Variants in RHOQ observed in about 807,000 individuals in gnomAD.
RHOQ encodes the protein rho-related GTP-binding protein RhoQ.
A neutral mutation model predicts 25.8 loss-of-function variants in RHOQ; 7 were observed. The ratio of observed to expected loss-of-function variants is 0.27; its 90% CI spans 0.15 to 0.51. The LOEUF (loss-of-function observed/expected upper bound fraction) is 0.51, where lower values mean the gene tolerates loss of function less well. Among genes scored for constraint, RHOQ ranks in the 20% least tolerant of loss-of-function variants. RHOQ has a pLI of 0.97. For missense variants in RHOQ, 165 were observed against 260.6 expected, an observed-to-expected ratio of 0.63 and a Z score of 2.53; for synonymous variants, 97 against 98.6, an observed-to-expected ratio of 0.98 and a Z score of 0.10.
chr2:46,544,250 A>T (rs1572731322), intron 2 of RHOQ, among the ~76,000 whole-genome samples: 1 of 152,286 alleles, frequency 6.6e-6, no homozygotes, highest in South Asian at 2.1e-4. Context: ...ATATGATGGG[A>T]AGGCATTTGG....
At chr2:46,564,880 AG>A (rs1189464252) in intron 2 of RHOQ, among the ~76,000 whole-genome samples, 4 of 152,220 alleles carry the variant, frequency 2.6e-5, no homozygotes, top group African/African-American at 9.6e-5. Context: ...GATAAGTAAG[AG>A]CAGATTCTGG....
At chr2:46,559,198 G>T (rs553813377) in intron 2 of RHOQ, among the ~76,000 whole-genome samples, 1 of 152,090 alleles carries the variant, frequency 6.6e-6, no homozygotes, top group African/African-American at 2.4e-5. Context: ...GTTTTGCCAT[G>T]TTGTCCAAGC....
rs1320142737 is a variant in RHOQ, at chr2:46,552,959, T to A, written c.201+9147T>A. 6.6e-6 allele frequency among the ~76,000 whole-genome samples: 1 copy of A among 152,200 alleles called. No homozygotes were observed. The highest frequency in any genetic ancestry group is 1.5e-5 in the Non-Finnish European group (1 of 68,036). Reference sequence around the variant, plus strand: ...GTTGTTTTTTAGCTGGAGAAAGTGATCAGTTTGGATTCTTACACGTACTAG... The same window carrying A: ...GTTGTTTTTTAGCTGGAGAAAGTGAACAGTTTGGATTCTTACACGTACTAG... On this transcript the variant is annotated intron_variant, in intron 2 of 4. Coordinates refer to ENST00000238738, the MANE Select transcript of RHOQ (RefSeq NM_012249.4). This position sits in a 1 kb window ranked among gnomAD's most constrained non-coding sequence, Gnocchi z 5.0.
In RHOQ at chr2:46,569,967, A is replaced by G. The variant is rs897883347; in HGVS notation, c.202-6120A>G. Among the ~76,000 whole-genome samples, 5 of 152,300 alleles carry G rather than the reference A, an allele frequency of 3.3e-5. No individual in the cohort carries two copies. Among genetic ancestry groups the G allele is most frequent in the African/African-American group, 9.6e-5 (4 of 41,576 alleles). Reference sequence around the variant, plus strand: ...GGAGGTAGTAGGAAGTGGTAGGCAAATTCAGTAAACTCATCACTGGTGAGT... The same window carrying G: ...GGAGGTAGTAGGAAGTGGTAGGCAAGTTCAGTAAACTCATCACTGGTGAGT... On this transcript the variant is annotated intron_variant, in intron 2 of 4. Transcript: ENST00000238738. This position sits in a 1 kb window ranked among gnomAD's most constrained non-coding sequence, Gnocchi z 4.1.
chr2:46,580,916 T>C lies in RHOQ; in HGVS notation c.463-12T>C, dbSNP rs1451337458. 1 of 1,470,654 alleles carries C rather than the reference T, an allele frequency of 6.8e-7. No individual in the cohort carries two copies. The highest frequency in any genetic ancestry group is 2.5e-5 in the East Asian group (1 of 40,176). 91.1% of individuals were successfully genotyped at this position (1,470,654 alleles called of 1,614,324 possible). On this transcript the variant is annotated splice_polypyrimidine_tract_variant and intron_variant, in intron 4 of 4. Coordinates refer to ENST00000238738, the MANE Select transcript of RHOQ (RefSeq NM_012249.4). Reference sequence around the variant, plus strand: ...GATCTTATATATTTGTGATTTTTTTTCTCCCTCCCAGATAGGAGCATGCTG... The same window carrying C: ...GATCTTATATATTTGTGATTTTTTTCCTCCCTCCCAGATAGGAGCATGCTG...
At position 46,566,369 on chromosome 2, in the gene RHOQ, C is replaced by T. The variant is rs1024002817; in HGVS notation, c.202-9718C>T. Among the ~76,000 whole-genome samples the T allele has an allele frequency of 1.3e-5, 2 of 152,128 alleles. No homozygotes were observed. Among genetic ancestry groups the T allele is most frequent in the Non-Finnish European group, 2.9e-5 (2 of 68,018 alleles). ...GTCCCAAACTGTCCTCTTGAGTTCTCTCCCTATGGTGCTTCTCTACCCTAC... is the reference window on the plus strand; with the variant it reads ...GTCCCAAACTGTCCTCTTGAGTTCTTTCCCTATGGTGCTTCTCTACCCTAC... On this transcript the variant is annotated intron_variant, in intron 2 of 4. Transcript: ENST00000238738. This position sits in a 1 kb window ranked among gnomAD's most constrained non-coding sequence, Gnocchi z 4.2.
At chr2:46,580,885 A>G in intron 4 of RHOQ, 43 bp from the exon 5 acceptor site, 1 of 1,383,568 alleles carries the variant, frequency 7.2e-7, no homozygotes, top group Non-Finnish European at 9.5e-7. Flanking sequence ...CCAATTGTAT[A>G]AACATGATCT....
At chr2:46,551,346 A>G (rs1668237203) in intron 2 of RHOQ, among the ~76,000 whole-genome samples, 1 of 152,210 alleles carries the variant, frequency 6.6e-6, no homozygotes, top group East Asian at 1.9e-4. Flanking sequence ...TGAACACATC[A>G]TCTCATTTTC....
rs367889567 is a variant in RHOQ at position 46,581,120 on chromosome 2, T to C, written c.*37T>C. ...AGTGGCCAAGGAAACTGTCCATTTCTCTCAGAAAGCAAATGAAATGCTACA... is the reference window on the plus strand; with the variant it reads ...AGTGGCCAAGGAAACTGTCCATTTCCCTCAGAAAGCAAATGAAATGCTACA... On this transcript the variant is annotated 3_prime_UTR_variant, in exon 5 of 5. Transcript: ENST00000238738. 1.4e-6 allele frequency: 2 copies of C among 1,435,464 alleles called. No individual in the cohort carries two copies. The highest frequency in any genetic ancestry group is 1.4e-5 in the African/African-American group (1 of 69,744). The allele number at this position is 1,435,464 out of a possible 1,614,324, so 88.9% of individuals were successfully genotyped here.
At chr2:46,551,978 G>A (rs551144793) in intron 2 of RHOQ, among the ~76,000 whole-genome samples, 2 of 152,328 alleles carry the variant, frequency 1.3e-5, no homozygotes, top group East Asian at 3.9e-4. Flanking sequence ...GAGATCACCA[G>A]GCAGGCTGTC....
intron 2 of RHOQ, among the ~76,000 whole-genome samples, chr2:46,567,125 G>A (rs1309692606): frequency 1.3e-5 from 2 of 152,082 alleles, no homozygotes; most frequent in Non-Finnish European, 2.9e-5. Context: ...GTGATATAAA[G>A]GAGAAATAAA....
At chr2:46,577,779 C>T (rs1163543999) in intron 4 of RHOQ, among the ~76,000 whole-genome samples, 1 of 151,932 alleles carries the variant, frequency 6.6e-6, no homozygotes, top group East Asian at 1.9e-4. Context: ...TTCTGGAGGA[C>T]AGTTTTTCCT....
rs192346013 is a variant in RHOQ, at chr2:46,546,069, A to G, written c.201+2257A>G. Reference sequence around the variant, plus strand: ...AGACTTTTGTTTTTGCATCAAAGCTAGTAATATTTCATCTCCCAGCATTTG... The same window carrying G: ...AGACTTTTGTTTTTGCATCAAAGCTGGTAATATTTCATCTCCCAGCATTTG... On this transcript the variant is annotated intron_variant, in intron 2 of 4. Coordinates refer to ENST00000238738, the MANE Select transcript of RHOQ (RefSeq NM_012249.4). Among the ~76,000 whole-genome samples, 346 of 152,284 alleles carry G rather than the reference A, an allele frequency of 2.3e-3. 3 individuals carry two copies. The highest frequency in any genetic ancestry group is 3.4e-3 in the Middle Eastern group (1 of 294).
intron 2 of RHOQ, among the ~76,000 whole-genome samples, chr2:46,553,644 G>T (rs911448390): frequency 6.6e-6 from 1 of 151,624 alleles, no homozygotes; most frequent in Non-Finnish European, 1.5e-5. Flanking sequence ...GCAGTGGCAC[G>T]GTCTTGGCTC....
Position 46,543,759 on chromosome 2 carries a change from G to A in RHOQ, c.148G>A (p.Val50Ile). The A allele has an allele frequency of 2.5e-6, 4 of 1,613,712 alleles. No individual in the cohort carries two copies. Among genetic ancestry groups the A allele is most frequent in the Non-Finnish European group, 3.4e-6 (4 of 1,179,878 alleles). The change falls in exon 2 of 5, where the codon GTC (valine) becomes ATC (isoleucine). Residue 50 changes from valine to isoleucine, a missense_variant. By Grantham distance (29) the Val-to-Ile change is conservative. Transcript: ENST00000238738. ...CCCCACTTCTGTCCTTGCAGTCAGC[G>A]TCACCGTGGGGGGCAAGCAGTACCT... ...PTVFDHYAVS[V>I]TVGGKQYLLG...
intron 2 of RHOQ, among the ~76,000 whole-genome samples, chr2:46,551,748 T>A (rs1284747326): frequency 6.6e-6 from 1 of 152,224 alleles, no homozygotes; most frequent in Non-Finnish European, 1.5e-5. Context: ...TAGATTTTCC[T>A]GCTCTACTCA....
chr2:46,570,706 G>A (rs1668885544), intron 2 of RHOQ, among the ~76,000 whole-genome samples: 1 of 152,222 alleles, frequency 6.6e-6, no homozygotes, highest in African/African-American at 2.4e-5. Flanking sequence ...AAGTGACACA[G>A]AGAATTGCTA....
chr2:46,563,360 T>TG (rs1405740359), intron 2 of RHOQ, among the ~76,000 whole-genome samples: 1 of 152,172 alleles, frequency 6.6e-6, no homozygotes, highest in African/African-American at 2.4e-5. Context: ...GAAGAGTCAG[T>TG]GGGTAGCCTG....
intron 2 of RHOQ, among the ~76,000 whole-genome samples, chr2:46,550,514 G>A (rs1307639853): frequency 2.6e-5 from 4 of 152,174 alleles, no homozygotes; most frequent in African/African-American, 4.8e-5. Flanking sequence ...CTCAGACTCC[G>A]GCCTTTGCAT....
Sources: allele counts gnomAD v4.1 joint callset (sites outside exome capture counted in the v4.1 genomes callset), GRCh38; gene constraint gnomAD v4.1.1; non-coding constraint Gnocchi (gnomAD v3.1); transcripts MANE v1.5; gene names NCBI Gene and HGNC (gene_info 2026-07-23, HGNC 2026-07-21).